The following SLC44A5 variants were observed in gnomAD, a reference collection of about 807,000 sequenced individuals.
SLC44A5 encodes solute carrier family 44 member 5.
Under a neutral mutation model 101.8 loss-of-function variants are expected in SLC44A5, and 57 were observed. That is an observed-to-expected ratio of 0.56 (90% CI 0.45 to 0.70). The LOEUF (loss-of-function observed/expected upper bound fraction) is 0.70. Among genes scored for constraint, SLC44A5 ranks in the 30% least tolerant of loss-of-function variants. SLC44A5 has a pLI of 0.00. For missense variants in SLC44A5, 737 were observed against 853.1 expected, an observed-to-expected ratio of 0.86 and a Z score of 1.70; for synonymous variants, 281 against 290.9, an observed-to-expected ratio of 0.97 and a Z score of 0.35.
intron 6 of SLC44A5, 35 bp from the exon 7 acceptor site, chr1:75,251,329 C>A: frequency 1.3e-6 from 2 of 1,540,514 alleles, no homozygotes; most frequent in South Asian, 2.3e-5. Context: ...TTTTAGTGAC[C>A]ATGGAAATGT....
chr1:75,635,357 C>T, the SLC44A5 span, among the ~76,000 whole-genome samples: 4 of 151,972 alleles, frequency 2.6e-5, no homozygotes, highest in Non-Finnish European at 5.9e-5. Flanking sequence ...GACACATGCA[C>T]ACGTATGTTT....
At chr1:75,284,354 C>A (rs779736107) in intron 5 of SLC44A5, among the ~76,000 whole-genome samples, 12 of 151,964 alleles carry the variant, frequency 7.9e-5, no homozygotes, top group Admixed American at 2.0e-4. Context: ...GATTTTGTAT[C>A]CTGAAACTTT....
rs796766944 is a variant in SLC44A5, at chr1:75,206,496, T to C, written c.2048-2663A>G. On this transcript the variant is annotated intron_variant, in intron 23 of 23. Coordinates refer to ENST00000370859, the MANE Select transcript of SLC44A5 (RefSeq NM_001130058.2). ...CAGGTAGTACCAGGTGCTGACTTCTTAGAATTAAGCACAGAAATTTCACAT... is the reference window on the plus strand; with the variant it reads ...CAGGTAGTACCAGGTGCTGACTTCTCAGAATTAAGCACAGAAATTTCACAT... 9 of 736,814 alleles carry C rather than the reference T, an allele frequency of 1.2e-5. No homozygotes were observed. The South Asian group carries it at 1.4e-4, about 12-fold the overall frequency. 45.6% of individuals were successfully genotyped at this position (736,814 alleles called of 1,614,324 possible). A position where few individuals can be genotyped will look rare whatever the true frequency, so the allele number is the denominator to read the frequency against.
chr1:75,634,696 A>C, the SLC44A5 span, among the ~76,000 whole-genome samples: 2 of 151,400 alleles, frequency 1.3e-5, no homozygotes, highest in Admixed American at 6.6e-5. Context: ...GTTAGACCTA[A>C]AACCATAAAA....
chr1:75,626,831 A>C, the SLC44A5 span, among the ~76,000 whole-genome samples: 1 of 152,104 alleles, frequency 6.6e-6, no homozygotes, highest in Non-Finnish European at 1.5e-5. Flanking sequence ...TGAGCAAAGC[A>C]TATTATGCTT....
chr1:75,325,581 A>C (rs552104815), intron 4 of SLC44A5, among the ~76,000 whole-genome samples: 1 of 152,234 alleles, frequency 6.6e-6, no homozygotes, highest in Non-Finnish European at 1.5e-5. Flanking sequence ...TGAGAGAGAG[A>C]GATTCCAGTA....
chr1:75,724,000 G>A, the SLC44A5 span: 1 of 152,100 alleles, frequency 6.6e-6, no homozygotes, highest in African/African-American at 2.4e-5. Flanking sequence ...AATTCCTCAG[G>A]GAGACATTCA....
the SLC44A5 span, among the ~76,000 whole-genome samples, chr1:75,666,002 A>G: frequency 6.6e-6 from 1 of 152,156 alleles, no homozygotes. Flanking sequence ...AAAAAAGGGA[A>G]TGCTTATATA....
In SLC44A5 at chr1:75,312,342, G is replaced by A. The variant is rs76933860; in HGVS notation, c.102-11657C>T. The stretch of plus-strand genomic sequence containing the variant: ...ATACAGCCAGTGTGGATGCAACAGG[G>A]GAGAAAGGGATAGAGCAGCTGCTAT... On this transcript the variant is annotated intron_variant, in intron 4 of 23. Transcript: ENST00000370859. Among the ~76,000 whole-genome samples, 716 of 152,202 alleles carry A rather than the reference G, an allele frequency of 4.7e-3. 7 individuals are homozygous for A. The highest frequency in any genetic ancestry group is 0.017 in the African/African-American group (693 of 41,532).
rs1647031794 is a variant in SLC44A5 at position 75,219,479 on chromosome 1, A to C, written c.1179-135T>G. On this transcript the variant is annotated intron_variant, in intron 15 of 23. Coordinates refer to ENST00000370859, the MANE Select transcript of SLC44A5 (RefSeq NM_001130058.2). The stretch of plus-strand genomic sequence containing the variant: ...CCTAATATTTTAATAATATTCATCT[A>C]TTTTTCAGGCCTAGATTAATGTAAT... The C allele has an allele frequency of 4.4e-6, 3 of 688,790 alleles. No homozygotes were observed. In the African/African-American group the frequency reaches 5.4e-5, roughly 12 times the overall value. 42.7% of individuals were successfully genotyped at this position (688,790 alleles called of 1,614,324 possible).
intron 2 of SLC44A5, among the ~76,000 whole-genome samples, chr1:75,510,827 C>T (rs1420042598): frequency 6.6e-6 from 1 of 152,122 alleles, no homozygotes; most frequent in Non-Finnish European, 1.5e-5. Flanking sequence ...TTCTGATCAA[C>T]AACAACAACA....
At chr1:75,272,947 C>G (rs1651611961) in intron 6 of SLC44A5, among the ~76,000 whole-genome samples, 1 of 151,716 alleles carries the variant, frequency 6.6e-6, no homozygotes, top group African/African-American at 2.4e-5. Flanking sequence ...GAGAATTGCA[C>G]TGAATTTGTA....
chr1:75,574,633 T>C (rs1673264914), intron 1 of SLC44A5, among the ~76,000 whole-genome samples: 1 of 152,228 alleles, frequency 6.6e-6, no homozygotes. Context: ...CAGCACCCTA[T>C]AGACCAAGCC....
intron 2 of SLC44A5, among the ~76,000 whole-genome samples, chr1:75,423,668 C>T (rs1025370782): frequency 6.6e-6 from 1 of 152,160 alleles, no homozygotes; most frequent in African/African-American, 2.4e-5. Context: ...TTGGAAATTG[C>T]GAGCAGCTCC....
the SLC44A5 span, among the ~76,000 whole-genome samples, chr1:75,640,459 A>T: frequency 6.6e-6 from 1 of 152,056 alleles, no homozygotes; most frequent in Admixed American, 6.6e-5. Flanking sequence ...TGTGACAGGG[A>T]CTACACAAGC....
the SLC44A5 span, among the ~76,000 whole-genome samples, chr1:75,705,203 T>C: frequency 2.6e-5 from 4 of 152,218 alleles, no homozygotes; most frequent in African/African-American, 9.6e-5. Flanking sequence ...TATGTTCACA[T>C]TGCTAACTTT....
At chr1:75,211,371 A>G in intron 23 of SLC44A5, 97 bp downstream of exon 23, 1 of 854,742 alleles carries the variant, frequency 1.2e-6, no homozygotes, top group Admixed American at 2.2e-5. Context: ...GCAGCCAGGT[A>G]ACAGCAGATC....
At chr1:75,510,958 C>T (rs1410709047) in intron 2 of SLC44A5, among the ~76,000 whole-genome samples, 3 of 152,020 alleles carry the variant, frequency 2.0e-5, no homozygotes, top group Non-Finnish European at 2.9e-5. Context: ...CTGGCTAACA[C>T]GGTGAAACCC....
the SLC44A5 span, among the ~76,000 whole-genome samples, chr1:75,618,067 A>C: frequency 3.7e-4 from 57 of 152,292 alleles, no homozygotes; most frequent in Non-Finnish European, 6.9e-4. Context: ...CTCAATACCC[A>C]GCTCTCTCCA....
Sources: gnomAD v4.1 joint callset for allele counts (sites outside exome capture counted in the v4.1 genomes callset) on GRCh38, gnomAD v4.1.1 for gene constraint, MANE v1.5 for transcripts, NCBI Gene and HGNC (gene_info 2026-07-23, HGNC 2026-07-21) for gene names.